The following TTC19 variants were observed in gnomAD, a reference collection of about 807,000 sequenced individuals.
The protein encoded by TTC19 is tetratricopeptide repeat domain 19.
In TTC19, 38 loss-of-function variants were observed where a neutral mutation model predicts 49.5. That is an observed-to-expected ratio of 0.77 (90% CI 0.59 to 1.01). The LOEUF (loss-of-function observed/expected upper bound fraction) is 1.01. Ranked by LOEUF, TTC19 falls within the 50% of genes least tolerant of loss-of-function variation. TTC19 has a pLI of 0.00. For missense variants in TTC19, 475 were observed against 477.7 expected (o/e 0.99, Z 0.05); for synonymous variants, 204 against 185.2 (o/e 1.10, Z -0.83).
chr17:16,044,921 G>A, exon 3 of TTC19: 1 of 674,818 alleles, frequency 1.5e-6, no homozygotes, highest in South Asian at 1.5e-5. Flanking sequence ...AAGAATCTGA[G>A]GAGTCTGATG....
chr17:16,042,030 G>A (rs553388960), intron 2 of TTC19, among the ~76,000 whole-genome samples: 24 of 152,204 alleles, frequency 1.6e-4, no homozygotes, highest in Middle Eastern at 3.4e-3. Flanking sequence ...CACCGTGCCC[G>A]GCCAGAATGT....
At chr17:16,044,734 T>C in exon 3 of TTC19, 2 of 756,226 alleles carry the variant, frequency 2.6e-6, no homozygotes, top group South Asian at 2.7e-5. Context: ...CTGGTGTAAA[T>C]GTTGAACCTT....
In TTC19 at chr17:16,004,906, G is replaced by C. The variant is rs184722193; in HGVS notation, c.581+644G>C. On this transcript the variant is annotated intron_variant, in intron 6 of 9. Coordinates refer to ENST00000261647, the MANE Select transcript of TTC19 (RefSeq NM_017775.4). Reference sequence around the variant, plus strand: ...GACCTGCATAGTCTCCTTGCATTTTGATTGGACACTAGATAGGCTAGAGCT... The same window carrying C: ...GACCTGCATAGTCTCCTTGCATTTTCATTGGACACTAGATAGGCTAGAGCT... Among the ~76,000 whole-genome samples the C allele has an allele frequency of 2.0e-3, 304 of 152,314 alleles. 1 individual carries two copies. Among genetic ancestry groups the C allele is most frequent in the African/African-American group, 7.0e-3 (291 of 41,566 alleles).
intron 7 of TTC19, among the ~76,000 whole-genome samples, chr17:16,022,201 A>G (rs1191832830): frequency 6.6e-6 from 1 of 152,170 alleles, no homozygotes; most frequent in African/African-American, 2.4e-5. Flanking sequence ...TCAAGCTACA[A>G]CAAAAACCGG....
intron 7 of TTC19, among the ~76,000 whole-genome samples, chr17:16,007,441 TTTTTTG>T (rs1207164911): frequency 1.5e-5 from 1 of 65,860 alleles, no homozygotes; most frequent in Non-Finnish European, 6.3e-5. Context: ...CAGCATACAG[TTTTTTG>T]TTTTTTGTTT....
intron 7 of TTC19, among the ~76,000 whole-genome samples, chr17:16,010,540 T>C (rs1420928353): frequency 6.6e-6 from 1 of 151,110 alleles, no homozygotes; most frequent in East Asian, 1.9e-4. Flanking sequence ...AGTGGCGTGA[T>C]CTCGGCTCAC....
chr17:16,012,487 G>T (rs926529166), intron 7 of TTC19, among the ~76,000 whole-genome samples: 1 of 152,016 alleles, frequency 6.6e-6, no homozygotes, highest in Non-Finnish European at 1.5e-5. Context: ...TTGGGGCTGG[G>T]GGGTGGAAGA....
At chr17:16,011,930 C>T (rs970096971) in intron 7 of TTC19, among the ~76,000 whole-genome samples, 22 of 152,160 alleles carry the variant, frequency 1.4e-4, no homozygotes, top group African/African-American at 5.3e-4. Context: ...TCCTCCTCCC[C>T]AAAACTCATT....
At chr17:16,032,375 T>C (rs1047907822), downstream of TTC19, 2 of 1,614,026 alleles carry the variant, frequency 1.2e-6, no homozygotes, top group Non-Finnish European at 1.7e-6. Context: ...CCTGTTCTGT[T>C]GGTGAGGAGC....
chr17:16,007,882 T>C (rs1230512098), intron 7 of TTC19, among the ~76,000 whole-genome samples: 1 of 152,230 alleles, frequency 6.6e-6, no homozygotes, highest in Non-Finnish European at 1.5e-5. Context: ...GGGATCACTG[T>C]ACACCAATTT....
chr17:16,040,578 A>AAAG, intron 2 of TTC19: 1 of 1,133,396 alleles, frequency 8.8e-7, no homozygotes, highest in Non-Finnish European at 1.3e-6. Context: ...CCTATAATAA[A>AAAG]ATTAATCTTT....
intron 3 of TTC19, among the ~76,000 whole-genome samples, 163 bp downstream of exon 3, chr17:16,002,188 T>G (rs1158967333): frequency 6.6e-6 from 1 of 152,216 alleles, no homozygotes; most frequent in Admixed American, 6.5e-5. Flanking sequence ...TGTTTTGTTT[T>G]GTTTTTTTGA....
At chr17:16,039,575 G>C (rs1342416395) in intron 2 of TTC19, 2 of 1,614,162 alleles carry the variant, frequency 1.2e-6, no homozygotes, top group Non-Finnish European at 1.7e-6. Context: ...AGCTTCCCAT[G>C]AGAGCCTTCC....
chr17:16,024,725 T>C (rs1040332354), intron 7 of TTC19: 7 of 411,560 alleles, frequency 1.7e-5, no homozygotes, highest in Non-Finnish European at 2.7e-5. Context: ...CCTTGACTTT[T>C]TGTTGTTAAC....
At chr17:16,034,742 C>G in intron 2 of TTC19, 3 of 1,577,822 alleles carry the variant, frequency 1.9e-6, no homozygotes, top group Non-Finnish European at 2.6e-6. Flanking sequence ...GTCTCATTTT[C>G]TAAGTTAAAG....
intron 8 of TTC19, among the ~76,000 whole-genome samples, chr17:16,026,336 A>C (rs1971558497): frequency 6.6e-6 from 1 of 152,190 alleles, no homozygotes; most frequent in Non-Finnish European, 1.5e-5. Flanking sequence ...ATTATTTCCC[A>C]AAAGGTCGAA....
At chr17:16,021,401 C>CA (rs973478594) in intron 7 of TTC19, among the ~76,000 whole-genome samples, 6 of 151,936 alleles carry the variant, frequency 3.9e-5, no homozygotes, top group Non-Finnish European at 7.4e-5. Flanking sequence ...AAAGAAAAAA[C>CA]AAAAAAACAA....
At position 16,003,910 on chromosome 17, in the gene TTC19, G is replaced by A. The variant is rs762250322; in HGVS notation, c.519+23G>A. 2.5e-6 allele frequency: 4 copies of A among 1,611,648 alleles called. No individual in the cohort carries two copies. In the South Asian group the frequency reaches 4.4e-5, roughly 18 times the overall value. On this transcript the variant is annotated intron_variant, in intron 5 of 9. Transcript: ENST00000261647. ...CAGGTAAGGACATTGCCTAGTATTG[G>A]CCCCTCACTGAAGCAGTTTTCAAAA...
downstream of TTC19, chr17:16,032,562 T>A: frequency 7.5e-7 from 1 of 1,336,490 alleles, no homozygotes; most frequent in Non-Finnish European, 1.0e-6. Context: ...TAGGATGGAG[T>A]AGAATAGGAT....
Sources: allele counts gnomAD v4.1 joint callset (sites outside exome capture counted in the v4.1 genomes callset), GRCh38; gene constraint gnomAD v4.1.1; transcripts MANE v1.5; gene names NCBI Gene and HGNC (gene_info 2026-07-23, HGNC 2026-07-21).